The following STK4 variants were observed in gnomAD, a reference collection of about 807,000 sequenced individuals.
STK4 encodes serine/threonine kinase 4, also known as serine/threonine-protein kinase 4.
A neutral mutation model predicts 64.9 loss-of-function variants in STK4; 30 were observed. The observed-to-expected ratio is 0.46, with a 90% confidence interval of 0.35 to 0.63. STK4 has a LOEUF of 0.63. Among genes scored for constraint, STK4 ranks in the 20% least tolerant of loss-of-function variants. The pLI, the probability that STK4 is intolerant of heterozygous loss-of-function variation, is 0.01. For missense variants in STK4, 466 were observed against 598.5 expected (o/e 0.78, Z 2.31); for synonymous variants, 177 against 199.0 (o/e 0.89, Z 0.93).
At chr20:45,018,493 A>G (rs1028152941) in intron 9 of STK4, among the ~76,000 whole-genome samples, 2 of 152,160 alleles carry the variant, frequency 1.3e-5, no homozygotes, top group South Asian at 2.1e-4. Context: ...CTTCCCAGTT[A>G]TGACTACCTA....
At chr20:44,992,882 G>A (rs2067660565) in intron 5 of STK4, among the ~76,000 whole-genome samples, 1 of 151,898 alleles carries the variant, frequency 6.6e-6, no homozygotes, top group Non-Finnish European at 1.5e-5. Context: ...TTTTAGTAGA[G>A]ACGGGATTTC....
chr20:45,001,298 A>G lies in STK4; in HGVS notation c.1092A>G (p.Gln364=), dbSNP rs796785683. 3 of 1,614,186 alleles carry G rather than the reference A, an allele frequency of 1.9e-6. No individual in the cohort carries two copies. The African/African-American group carries it at 4.0e-5, about 22-fold the overall frequency. The change falls in exon 9 of 11, where the codon CAA becomes CAG. Residue 364 remains glutamine (Q), a synonymous_variant. Coordinates refer to ENST00000372806, the MANE Select transcript of STK4 (RefSeq NM_006282.5). The part of the protein sequence containing the change: ...MIEHDDTLPS[Q]LGTMVINAED... Reference sequence around the variant, plus strand: ...AGCACGATGACACGTTGCCATCACAACTGGGCACCATGGTGATCAATGCAG... The same window carrying G: ...AGCACGATGACACGTTGCCATCACAGCTGGGCACCATGGTGATCAATGCAG...
At chr20:45,055,576 A>G (rs1978397714) in intron 10 of STK4, among the ~76,000 whole-genome samples, 1 of 151,508 alleles carries the variant, frequency 6.6e-6, no homozygotes. Flanking sequence ...GATCCTTGCT[A>G]CTGCACATTA....
Position 44,981,899 on chromosome 20 carries a change from G to A in STK4, c.316G>A (p.Gly106Arg). The A allele has an allele frequency of 1.2e-6, 2 of 1,614,036 alleles. No homozygotes were observed. The highest frequency in any genetic ancestry group is 8.5e-7 in the Non-Finnish European group (1 of 1,179,958). ...TDLWIVMEYC[G>R]AGSVSDIIRL... ...CTTATGGATCGTTATGGAGTACTGTGGGGCTGGTTCTGTATCTGATATCAT... is the reference window on the plus strand; with the variant it reads ...CTTATGGATCGTTATGGAGTACTGTAGGGCTGGTTCTGTATCTGATATCAT... Residue 106 changes from glycine to arginine, a missense_variant, in exon 4 of 11, where the codon GGG (glycine) becomes AGG (arginine). Gly to Arg is a moderately radical substitution (Grantham distance 125, BLOSUM62 -2). This residue lies in a region of STK4 where 190 missense variants were observed against 289.7 expected (regional missense o/e 0.66). Transcript: ENST00000372806.
At chr20:45,020,816 CT>C (rs35088723) in intron 9 of STK4, among the ~76,000 whole-genome samples, 41,327 of 144,676 alleles carry the variant, frequency 0.29, 5,972 homozygotes, top group Middle Eastern at 0.44. Flanking sequence ...ATATACAAGA[CT>C]TTTTTTTTTT....
chr20:45,005,892 G>T (rs181692627), intron 9 of STK4, among the ~76,000 whole-genome samples: 4 of 151,926 alleles, frequency 2.6e-5, no homozygotes, highest in East Asian at 1.9e-4. Flanking sequence ...GTTTACTGAG[G>T]CATGGATTTC....
intron 5 of STK4, among the ~76,000 whole-genome samples, chr20:44,988,544 T>TGTGTGG (rs2067576238): frequency 7.5e-6 from 1 of 132,622 alleles, no homozygotes; most frequent in African/African-American, 3.2e-5. Context: ...TATATATATA[T>TGTGTGG]ATATATATAT....
intron 10 of STK4, among the ~76,000 whole-genome samples, chr20:45,047,354 C>T (rs1322449422): frequency 2.6e-5 from 4 of 152,154 alleles, no homozygotes; most frequent in South Asian, 4.1e-4. Context: ...CTCAGAATAA[C>T]GCACGTTTGT....
chr20:45,038,401 A>G (rs1212254405), intron 10 of STK4, among the ~76,000 whole-genome samples: 3 of 152,110 alleles, frequency 2.0e-5, no homozygotes, highest in Non-Finnish European at 4.4e-5. Flanking sequence ...GTTACTGTTT[A>G]GTCTCCTGGA....
intron 9 of STK4, among the ~76,000 whole-genome samples, chr20:45,018,067 G>A (rs377451793): frequency 2.0e-5 from 3 of 152,180 alleles, no homozygotes; most frequent in Non-Finnish European, 4.4e-5. Context: ...AAAGCACTTA[G>A]GTGCCTGGTA....
At chr20:45,057,394 G>A (rs1473914233) in intron 10 of STK4, among the ~76,000 whole-genome samples, 1 of 152,224 alleles carries the variant, frequency 6.6e-6, no homozygotes, top group Non-Finnish European at 1.5e-5. Flanking sequence ...CAAGTCAAGA[G>A]CAGTAATAAC....
At chr20:44,989,119 G>A (rs190926042) in intron 5 of STK4, among the ~76,000 whole-genome samples, 6 of 152,248 alleles carry the variant, frequency 3.9e-5, no homozygotes, top group Non-Finnish European at 7.4e-5. Flanking sequence ...GTGAACCGTT[G>A]TTTTCATGTG....
chr20:44,997,432 C>T (rs1325132026), intron 7 of STK4, 126 bp downstream of exon 7: 4 of 1,224,354 alleles, frequency 3.3e-6, no homozygotes, highest in African/African-American at 1.6e-5. Flanking sequence ...TGGCTCACGC[C>T]TGTAATCGTA....
intron 10 of STK4, among the ~76,000 whole-genome samples, chr20:45,032,221 T>C (rs1347443583): frequency 1.3e-5 from 2 of 152,166 alleles, no homozygotes; most frequent in Non-Finnish European, 2.9e-5. Flanking sequence ...TTCTAATATA[T>C]ATGAAACTTT....
At chr20:45,023,181 A>G (rs970619005) in intron 9 of STK4, among the ~76,000 whole-genome samples, 9 of 152,202 alleles carry the variant, frequency 5.9e-5, no homozygotes, top group African/African-American at 2.2e-4. Flanking sequence ...AAAACACCAT[A>G]TACTTGCTGA....
intron 5 of STK4, among the ~76,000 whole-genome samples, chr20:44,992,202 TCTC>T (rs980554600): frequency 3.3e-5 from 5 of 151,790 alleles, no homozygotes; most frequent in Non-Finnish European, 5.9e-5. Flanking sequence ...AAAATCCTTT[TCTC>T]CTTAACATTA....
chr20:45,040,187 A>G (rs554079023), intron 10 of STK4, among the ~76,000 whole-genome samples: 10 of 151,690 alleles, frequency 6.6e-5, no homozygotes, highest in Non-Finnish European at 1.3e-4. Flanking sequence ...ATGCCATTTC[A>G]TTAGAGGTTA....
intron 10 of STK4, among the ~76,000 whole-genome samples, chr20:45,060,620 A>G (rs971228237): frequency 2.6e-5 from 4 of 152,154 alleles, no homozygotes; most frequent in Non-Finnish European, 4.4e-5. Context: ...GCAAATGCCT[A>G]TATCTCTCTA....
At chr20:44,990,558 C>T (rs948524514) in intron 5 of STK4, among the ~76,000 whole-genome samples, 1 of 152,152 alleles carries the variant, frequency 6.6e-6, no homozygotes, top group Non-Finnish European at 1.5e-5. Flanking sequence ...GGCCCCTCTC[C>T]GGTCTCTTGT....
Sources: gnomAD v4.1 joint callset for allele counts (sites outside exome capture counted in the v4.1 genomes callset) on GRCh38, gnomAD v4.1.1 for gene constraint, gnomAD v4.1.1 regional missense constraint, MANE v1.5 for transcripts, NCBI Gene and HGNC (gene_info 2026-07-23, HGNC 2026-07-21) for gene names.